The following CPED1 variants were observed in gnomAD, a reference collection of about 807,000 sequenced individuals.
CPED1 encodes the protein cadherin like and PC-esterase domain containing 1, also known as cadherin-like and PC-esterase domain-containing protein 1.
Under a neutral mutation model 128.2 loss-of-function variants are expected in CPED1, and 114 were observed. That is an observed-to-expected ratio of 0.89 (90% CI 0.76 to 1.04). CPED1 has a LOEUF of 1.04. Ranked by LOEUF, CPED1 falls within the 50% of genes least tolerant of loss-of-function variation. The pLI, the probability that CPED1 is intolerant of heterozygous loss-of-function variation, is 0.00. For synonymous variants in CPED1, 462 were observed against 426.7 expected (o/e 1.08, Z -1.02); for missense variants, 1,211 against 1,207.1 (o/e 1.00, Z -0.05).
chr7:121,040,427 G>T (rs1168357440), intron 3 of CPED1, among the ~76,000 whole-genome samples: 1 of 152,070 alleles, frequency 6.6e-6, no homozygotes, highest in Non-Finnish European at 1.5e-5. Flanking sequence ...CCTACATGAA[G>T]AGTGCAGAGT....
At chr7:121,242,186 C>T (rs567143542) in intron 17 of CPED1, among the ~76,000 whole-genome samples, 1 of 152,248 alleles carries the variant, frequency 6.6e-6, no homozygotes, top group East Asian at 1.9e-4. Flanking sequence ...TATAGTTATT[C>T]TATATTACGT....
chr7:121,137,804 G>A (rs1437120463), intron 14 of CPED1, among the ~76,000 whole-genome samples: 1 of 152,100 alleles, frequency 6.6e-6, no homozygotes, highest in Admixed American at 6.6e-5. Flanking sequence ...AAAAGGACTA[G>A]TGAGAAAACT....
intron 2 of CPED1, 82 bp from the exon 3 acceptor site, chr7:121,015,583 A>T: frequency 8.1e-7 from 1 of 1,231,428 alleles, no homozygotes; most frequent in South Asian, 1.5e-5. Context: ...CTTCCCAAAT[A>T]GCCCTTGATT....
chr7:121,031,799 T>A (rs1792742180), intron 3 of CPED1, among the ~76,000 whole-genome samples: 1 of 152,244 alleles, frequency 6.6e-6, no homozygotes, highest in South Asian at 2.1e-4. Context: ...ACTAAATACA[T>A]TTAAAATAAT....
chr7:121,254,374 C>T (rs762419323), intron 18 of CPED1, among the ~76,000 whole-genome samples: 2 of 151,900 alleles, frequency 1.3e-5, no homozygotes, highest in Non-Finnish European at 2.9e-5. Context: ...AAAATAGCAA[C>T]TCAATTACCA....
At chr7:120,997,088 T>A (rs1420421921) in intron 2 of CPED1, among the ~76,000 whole-genome samples, 1 of 152,276 alleles carries the variant, frequency 6.6e-6, no homozygotes, top group African/African-American at 2.4e-5. Context: ...CCAGGGAGCC[T>A]GCTCTACTCA....
At chr7:121,136,486 G>C (rs1795788323) in intron 14 of CPED1, among the ~76,000 whole-genome samples, 1 of 151,984 alleles carries the variant, frequency 6.6e-6, no homozygotes, top group Admixed American at 6.6e-5. Flanking sequence ...AATTTTCTTT[G>C]TAACAGTTGA....
chr7:121,135,856 C>T (rs1298095086), intron 13 of CPED1, among the ~76,000 whole-genome samples, 184 bp from the exon 14 acceptor site: 1 of 151,862 alleles, frequency 6.6e-6, no homozygotes, highest in Non-Finnish European at 1.5e-5. Context: ...AATAATAATT[C>T]TTCTGAGCTC....
At chr7:121,177,388 C>G (rs1796806038) in intron 16 of CPED1, among the ~76,000 whole-genome samples, 1 of 151,998 alleles carries the variant, frequency 6.6e-6, no homozygotes, top group Non-Finnish European at 1.5e-5. Context: ...GTTTCTCTAT[C>G]CGACTTTACA....
chr7:121,010,902 A>G (rs150477375), intron 2 of CPED1, among the ~76,000 whole-genome samples: 307 of 152,358 alleles, frequency 2.0e-3, no homozygotes, highest in African/African-American at 7.1e-3. Flanking sequence ...TAGAAAATGT[A>G]TATGATATAG....
chr7:121,201,355 C>T (rs924824439), intron 16 of CPED1, among the ~76,000 whole-genome samples: 1 of 151,946 alleles, frequency 6.6e-6, no homozygotes, highest in Non-Finnish European at 1.5e-5. Context: ...TTGCTTGGAC[C>T]TAGGAGGTGG....
chr7:121,251,571 T>C (rs987767485), intron 18 of CPED1, among the ~76,000 whole-genome samples: 7 of 152,230 alleles, frequency 4.6e-5, no homozygotes, highest in South Asian at 2.1e-4. Flanking sequence ...AAAACCCAAT[T>C]GTCTCAGCCC....
chr7:121,266,109 G>A, intron 18 of CPED1, 118 bp from the exon 19 acceptor site: 1 of 717,016 alleles, frequency 1.4e-6, no homozygotes, highest in Non-Finnish European at 2.4e-6. Context: ...CAATTTGAAG[G>A]GCTGTCCTTC....
intron 16 of CPED1, among the ~76,000 whole-genome samples, chr7:121,171,649 C>T (rs1796651072): frequency 6.6e-6 from 1 of 152,142 alleles, no homozygotes; most frequent in Non-Finnish European, 1.5e-5. Context: ...TTGTAAGTCT[C>T]ATTCATAAAG....
At chr7:121,040,154 C>G (rs1488625572) in intron 3 of CPED1, among the ~76,000 whole-genome samples, 1 of 151,984 alleles carries the variant, frequency 6.6e-6, no homozygotes, top group Non-Finnish European at 1.5e-5. Context: ...AAGTAAACAC[C>G]CATGACCAGC....
At chr7:121,145,097 G>T (rs552531690) in intron 16 of CPED1, among the ~76,000 whole-genome samples, 1 of 151,644 alleles carries the variant, frequency 6.6e-6, no homozygotes, top group East Asian at 1.9e-4. Flanking sequence ...GCAATCTACT[G>T]TTTAAAATTA....
intron 12 of CPED1, among the ~76,000 whole-genome samples, chr7:121,130,714 G>A (rs1795646550): frequency 6.8e-6 from 1 of 147,822 alleles, no homozygotes; most frequent in Non-Finnish European, 1.5e-5. Flanking sequence ...TTTTTTCTGA[G>A]CAAAACCCAT....
At chr7:121,240,914 G>GAAAT (rs1264677970) in intron 17 of CPED1, among the ~76,000 whole-genome samples, 4 of 152,070 alleles carry the variant, frequency 2.6e-5, no homozygotes, top group African/African-American at 9.7e-5. Flanking sequence ...GTTTGCTTGA[G>GAAAT]AAATACATCA....
intron 2 of CPED1, among the ~76,000 whole-genome samples, chr7:121,011,246 A>G (rs1792158839): frequency 6.6e-6 from 1 of 152,080 alleles, no homozygotes; most frequent in Non-Finnish European, 1.5e-5. Context: ...GCCTTACTAT[A>G]TTTTGAAGAG....
Sources: gnomAD v4.1 joint callset for allele counts (sites outside exome capture counted in the v4.1 genomes callset) on GRCh38, gnomAD v4.1.1 for gene constraint, MANE v1.5 for transcripts, NCBI Gene and HGNC (gene_info 2026-07-23, HGNC 2026-07-21) for gene names.